The following KLRG1 variants were observed in gnomAD, a reference collection of about 807,000 sequenced individuals.
KLRG1 encodes the protein killer cell lectin like receptor G1.
Under a neutral mutation model 21.8 loss-of-function variants are expected in KLRG1, and 16 were observed. The observed-to-expected ratio is 0.73, with a 90% CI of 0.50 to 1.11. KLRG1 has a LOEUF of 1.11. KLRG1 is among the 50% of genes most tolerant of loss of function. The pLI, the probability that KLRG1 is intolerant of heterozygous loss-of-function variation, is 0.00. For missense variants in KLRG1, 173 were observed against 218.3 expected, an observed-to-expected ratio of 0.79 and a Z score of 1.31; for synonymous variants, 69 against 75.9, an observed-to-expected ratio of 0.91 and a Z score of 0.47.
the KLRG1 span, chr12:9,157,278 A>G: frequency 6.2e-7 from 1 of 1,614,118 alleles, no homozygotes; most frequent in South Asian, 1.1e-5. Flanking sequence ...TGGTGTAGAC[A>G]TGGCTCCCAT....
intron 1 of KLRG1, among the ~76,000 whole-genome samples, chr12:8,972,311 C>T (rs1301590663): frequency 1.3e-5 from 2 of 152,174 alleles, no homozygotes; most frequent in Non-Finnish European, 2.9e-5. Context: ...GCACCCGCCA[C>T]CACTCCTGGC....
At chr12:9,106,208 T>C in the KLRG1 span, 13 of 1,367,598 alleles carry the variant, frequency 9.5e-6, no homozygotes, top group Non-Finnish European at 1.3e-5. Context: ...AGTACATGGG[T>C]TGATGAGTGA....
chr12:9,023,779 C>T, the KLRG1 span, among the ~76,000 whole-genome samples: 2 of 151,986 alleles, frequency 1.3e-5, no homozygotes, highest in East Asian at 2.0e-4. Flanking sequence ...TTGTCTTGAT[C>T]TCCTGGCCTT....
the KLRG1 span, chr12:9,101,454 T>C: frequency 1.2e-6 from 2 of 1,612,170 alleles, no homozygotes; most frequent in South Asian, 2.2e-5. Context: ...CACCAGATAA[T>C]AGAAGGAGAG....
the KLRG1 span, chr12:9,160,034 G>C: frequency 6.2e-7 from 1 of 1,608,182 alleles, no homozygotes; most frequent in Non-Finnish European, 8.5e-7. Flanking sequence ...ACCTGAAATG[G>C]AAGGCTTCAG....
At chr12:9,177,126 G>A in the KLRG1 span, among the ~76,000 whole-genome samples, 1 of 152,196 alleles carries the variant, frequency 6.6e-6, no homozygotes, top group African/African-American at 2.4e-5. Flanking sequence ...GTCGCACAAT[G>A]AATAGGGTTG....
At chr12:9,068,215 G>T in the KLRG1 span, 10 of 1,608,194 alleles carry the variant, frequency 6.2e-6, no homozygotes, top group Non-Finnish European at 8.5e-6. Flanking sequence ...CTCAGCAATT[G>T]CAAACTCATC....
At chr12:9,200,912 G>A in the KLRG1 span, 7 of 1,612,870 alleles carry the variant, frequency 4.3e-6, no homozygotes, top group Non-Finnish European at 5.9e-6. Flanking sequence ...CACGGTGAAG[G>A]GGTGCTGTAT....
At chr12:9,205,117 A>G in the KLRG1 span, among the ~76,000 whole-genome samples, 23 of 152,226 alleles carry the variant, frequency 1.5e-4, no homozygotes, top group African/African-American at 5.5e-4. Flanking sequence ...CAAAGTTTAT[A>G]TGAGTACTAA....
In KLRG1 at chr12:8,989,619, A is replaced by AAAGAT; in HGVS notation, c.-16_-12dup. The AAAGAT allele has an allele frequency of 6.4e-7, 1 of 1,557,564 alleles. No individual in the cohort carries two copies. The highest frequency in any genetic ancestry group is 8.8e-7 in the Non-Finnish European group (1 of 1,131,206). On this transcript the variant is annotated 5_prime_UTR_variant, in exon 1 of 5. Coordinates refer to ENST00000356986, the MANE Select transcript of KLRG1 (RefSeq NM_005810.4). ...AATTTAACTCTCTCAACTGCATGTG[A>AAAGAT]AAGATCTTAGCTGAAGATGACTGAC...
chr12:9,198,947 C>A, the KLRG1 span, among the ~76,000 whole-genome samples: 1 of 152,142 alleles, frequency 6.6e-6, no homozygotes, highest in Admixed American at 6.5e-5. Flanking sequence ...ACCCTGCGTG[C>A]TCCCTCTGGG....
intron 1 of KLRG1, among the ~76,000 whole-genome samples, chr12:8,970,006 C>T (rs1334352704): frequency 3.3e-5 from 5 of 152,182 alleles, no homozygotes; most frequent in Admixed American, 3.3e-4. Flanking sequence ...GTCTCAGCTA[C>T]TCTGGAGGCT....
At chr12:9,006,558 T>C (rs1393120626) in intron 3 of KLRG1, among the ~76,000 whole-genome samples, 1 of 152,192 alleles carries the variant, frequency 6.6e-6, no homozygotes, top group Non-Finnish European at 1.5e-5. Flanking sequence ...TTTTATTCTA[T>C]GTGAAAAGTG....
At chr12:9,070,623 A>C in the KLRG1 span, 1 of 1,382,782 alleles carries the variant, frequency 7.2e-7, no homozygotes, top group East Asian at 2.3e-5. Context: ...CTGTGTTTTT[A>C]AATATTTTCT....
At chr12:9,093,433 GT>G in the KLRG1 span, 1 of 1,401,004 alleles carries the variant, frequency 7.1e-7, no homozygotes, top group South Asian at 1.2e-5. Context: ...GACCTCTATT[GT>G]TGCATATTGC....
the KLRG1 span, among the ~76,000 whole-genome samples, chr12:9,023,712 T>A: frequency 3.6e-4 from 54 of 152,066 alleles, 1 homozygote; most frequent in African/African-American, 1.3e-3. Flanking sequence ...AATGCCACCA[T>A]GCCTGGCCAA....
the KLRG1 span, chr12:9,152,882 G>A: frequency 1.2e-6 from 2 of 1,614,030 alleles, no homozygotes; most frequent in South Asian, 1.1e-5. Flanking sequence ...CAAGTTTGGG[G>A]CACAGTCTGC....
the KLRG1 span, among the ~76,000 whole-genome samples, chr12:9,107,874 G>GTT: frequency 6.8e-6 from 1 of 146,724 alleles, no homozygotes; most frequent in Non-Finnish European, 1.5e-5. Flanking sequence ...TTTTTTCCTC[G>GTT]TTTTTTTTTA....
At chr12:9,112,021 T>A in the KLRG1 span, 19 of 842,964 alleles carry the variant, frequency 2.3e-5, no homozygotes, top group Non-Finnish European at 3.6e-5. Context: ...TAGATTAGGA[T>A]CTTGTGCTGT....
Sources: allele counts gnomAD v4.1 joint callset (sites outside exome capture counted in the v4.1 genomes callset), GRCh38; gene constraint gnomAD v4.1.1; transcripts MANE v1.5; gene names NCBI Gene and HGNC (gene_info 2026-07-23, HGNC 2026-07-21).